VWF: variants seen among roughly 807,000 people sequenced by gnomAD.
VWF encodes the protein Factor VIII related antigen.
Under a neutral mutation model 308.6 loss-of-function variants are expected in VWF, and 176 were observed. The ratio of observed to expected loss-of-function variants is 0.57; its 90% CI spans 0.50 to 0.65. The LOEUF (loss-of-function observed/expected upper bound fraction) is 0.65, where lower values mean the gene tolerates loss of function less well. VWF is among the 30% of genes least tolerant of loss of function. VWF has a pLI of 0.00. For missense variants in VWF, 3,146 were observed against 3,648.2 expected, an observed-to-expected ratio of 0.86 and a Z score of 3.55; for synonymous variants, 1,385 against 1,443.4, an observed-to-expected ratio of 0.96 and a Z score of 0.92.
Position 6,020,605 on chromosome 12 carries a change from CG to C in VWF, c.3675-863del, listed in dbSNP as rs1490134473. 2.6e-5 allele frequency among the ~76,000 whole-genome samples: 4 copies of C among 152,242 alleles called. No homozygotes were observed. The highest frequency in any genetic ancestry group is 9.6e-5 in the African/African-American group (4 of 41,464). ...TTTGCCAGTGTCCCGGAAAGTGGCA[CG>C]GCCTGCCAGCCCACAGGTGAAATCA... On this transcript the variant is annotated intron_variant, in intron 27 of 51. Transcript: ENST00000261405. The surrounding 1 kb of genome is among the most constrained non-coding windows in gnomAD (Gnocchi z 4.3).
chr12:6,018,450 C>A lies in VWF; in HGVS notation c.4968G>T (p.Thr1656=), dbSNP rs143838793. 1 of 1,612,790 alleles carries A rather than the reference C, an allele frequency of 6.2e-7. No individual in the cohort carries two copies. Among genetic ancestry groups the A allele is most frequent in the Non-Finnish European group, 8.5e-7 (1 of 1,179,520 alleles). ...NAPILIQDFE[T]LPREAPDLVL... ...CCAGGTCAGGAGCCTCTCGGGGGAG[C>A]GTCTCAAAGTCCTGGATGAGGATAG... is the stretch of plus-strand genomic sequence containing the variant. The change falls in exon 28 of 52, where the codon ACG becomes ACT. Residue 1656 remains threonine, a synonymous_variant. Transcript: ENST00000261405.
intron 34 of VWF, among the ~76,000 whole-genome samples, chr12:6,005,046 T>TA (rs1943911187): frequency 2.0e-5 from 3 of 152,170 alleles, no homozygotes; most frequent in Admixed American, 2.0e-4. Flanking sequence ...ACAAACTTTT[T>TA]ATGGAGGTAA....
intron 3 of VWF, among the ~76,000 whole-genome samples, chr12:6,120,470 T>C (rs1945417188): frequency 6.6e-6 from 1 of 152,004 alleles, no homozygotes; most frequent in African/African-American, 2.4e-5. Context: ...ACCCGGCTAA[T>C]TTTTGTATTT....
intron 35 of VWF, among the ~76,000 whole-genome samples, chr12:5,995,690 T>C (rs1274641482): frequency 6.6e-6 from 1 of 152,216 alleles, no homozygotes; most frequent in East Asian, 1.9e-4. Context: ...GGACTCATAA[T>C]ACCTTCCGAG....
intron 43 of VWF, among the ~76,000 whole-genome samples, chr12:5,973,935 G>T (rs1035719537): frequency 6.6e-6 from 1 of 152,124 alleles, no homozygotes; most frequent in Non-Finnish European, 1.5e-5. Context: ...CCTGAGGCCC[G>T]CTTAGAACAT....
intron 34 of VWF, among the ~76,000 whole-genome samples, chr12:6,007,202 T>C (rs1943938984): frequency 6.6e-6 from 1 of 152,120 alleles, no homozygotes; most frequent in African/African-American, 2.4e-5. Flanking sequence ...AACAGAGAAC[T>C]CAAACAACAC....
chr12:6,022,357 A>G (rs1258622084), intron 26 of VWF, among the ~76,000 whole-genome samples: 1 of 152,134 alleles, frequency 6.6e-6, no homozygotes, highest in African/African-American at 2.4e-5. Context: ...GTGCTGTACC[A>G]TAGGATCGTC....
chr12:6,099,183 G>C (rs541341911), intron 5 of VWF, among the ~76,000 whole-genome samples: 10 of 151,932 alleles, frequency 6.6e-5, no homozygotes, highest in African/African-American at 1.7e-4. Context: ...AGCCAGGCGT[G>C]GGGGTGGATG....
chr12:6,010,554 T>C (rs1565828172), intron 34 of VWF, among the ~76,000 whole-genome samples: 1 of 152,226 alleles, frequency 6.6e-6, no homozygotes, highest in African/African-American at 2.4e-5. Flanking sequence ...AATTCGTTCG[T>C]ATGTTCAGGT....
intron 45 of VWF, 28 bp downstream of exon 45, chr12:5,969,183 C>T (rs1370752647): frequency 4.4e-6 from 7 of 1,598,556 alleles, no homozygotes; most frequent in South Asian, 1.1e-5. Context: ...GTGCCCGGTC[C>T]AGCCCAGCCC....
chr12:6,119,258 G>A (rs917568), intron 3 of VWF, among the ~76,000 whole-genome samples: 74,537 of 151,736 alleles, frequency 0.49, 19,950 homozygotes, highest in Non-Finnish European at 0.62. Flanking sequence ...CCCACCCTAA[G>A]AGCAGCAGCA....
intron 10 of VWF, among the ~76,000 whole-genome samples, chr12:6,067,950 A>G (rs1476132448): frequency 2.6e-5 from 4 of 152,054 alleles, no homozygotes; most frequent in South Asian, 4.1e-4. Flanking sequence ...CCTGGCCAAC[A>G]TGGTGAAACC....
intron 6 of VWF, among the ~76,000 whole-genome samples, chr12:6,077,290 G>C (rs1188505730): frequency 6.6e-6 from 1 of 152,238 alleles, no homozygotes; most frequent in Non-Finnish European, 1.5e-5. Context: ...ACTTCAGCCT[G>C]GGTGACAGAG....
At chr12:6,071,445 G>T in intron 9 of VWF, 102 bp from the exon 10 acceptor site, 2 of 1,335,074 alleles carry the variant, frequency 1.5e-6, no homozygotes, top group South Asian at 1.2e-5. Flanking sequence ...CCAAACGAAG[G>T]GATGTGGGAA....
intron 6 of VWF, among the ~76,000 whole-genome samples, chr12:6,092,620 T>TGAGAGTGAGAGAGAGAGAGAGTGTGA (rs1250915385): frequency 1.1e-5 from 1 of 89,678 alleles, no homozygotes; most frequent in Non-Finnish European, 2.1e-5. Context: ...TGAGTGAGAG[T>TGAGAGTGAGAGAGAGAGAGAGTGTGA]GTGTGTGTGT....
At chr12:6,050,726 G>A (rs930598090) in intron 16 of VWF, among the ~76,000 whole-genome samples, 7 of 152,204 alleles carry the variant, frequency 4.6e-5, no homozygotes, top group East Asian at 1.9e-4. Flanking sequence ...CTGGGAGGCC[G>A]AGGCGGGCAG....
At chr12:5,955,117 T>A (rs982561842) in intron 47 of VWF, among the ~76,000 whole-genome samples, 4 of 151,404 alleles carry the variant, frequency 2.6e-5, no homozygotes, top group Non-Finnish European at 5.9e-5. Context: ...TAAAAAAAAA[T>A]TTCATGCAAA....
intron 15 of VWF, among the ~76,000 whole-genome samples, chr12:6,053,490 C>T (rs1949273367): frequency 6.6e-6 from 1 of 152,198 alleles, no homozygotes. Context: ...AGGAGGGACA[C>T]TCATGCCTAC....
intron 42 of VWF, among the ~76,000 whole-genome samples, chr12:5,980,091 A>G (rs145030121): frequency 0.016 from 1,185 of 74,820 alleles, 19 homozygotes; most frequent in African/African-American, 0.025. Context: ...GAAAAGAAAG[A>G]AAGGAAGGAA....
Sources: gnomAD v4.1 joint callset for allele counts (sites outside exome capture counted in the v4.1 genomes callset) on GRCh38, gnomAD v4.1.1 for gene constraint, Gnocchi (gnomAD v3.1) non-coding constraint, MANE v1.5 for transcripts, NCBI Gene and HGNC (gene_info 2026-07-23, HGNC 2026-07-21) for gene names.